The following PAX9 variants were observed in gnomAD, a reference collection of about 807,000 sequenced individuals.
PAX9 encodes paired box protein Pax-9.
PAX9 carries 6 observed loss-of-function variants against 29.1 expected under a neutral mutation model. The observed-to-expected ratio is 0.21, with a 90% CI of 0.11 to 0.41. The LOEUF (loss-of-function observed/expected upper bound fraction) is 0.41. Among genes scored for constraint, PAX9 ranks in the 10% least tolerant of loss-of-function variants. The pLI, the probability that PAX9 is intolerant of heterozygous loss-of-function variation, is 1.00. For missense variants in PAX9, 443 were observed against 479.1 expected, an observed-to-expected ratio of 0.92 and a Z score of 0.70; for synonymous variants, 217 against 211.7, an observed-to-expected ratio of 1.03 and a Z score of -0.22.
intron 2 of PAX9, among the ~76,000 whole-genome samples, chr14:36,664,738 G>A (rs1170814118): frequency 1.3e-5 from 2 of 152,108 alleles, no homozygotes; most frequent in African/African-American, 2.4e-5. Flanking sequence ...GGGGGAAATA[G>A]TTTCTTTAAT....
rs1881968615 is a variant in PAX9, at chr14:36,677,764, C to G, written c.*1312C>G. On this transcript the variant is annotated 3_prime_UTR_variant, in exon 4 of 4. Coordinates refer to ENST00000361487, the MANE Select transcript of PAX9 (RefSeq NM_001372076.1). ...ATGTTATTTAATTTTAACAAATTCC[C>G]TTTATTCATTTCTGAAATTACAGGA... is the stretch of plus-strand genomic sequence containing the variant. 1 of 152,294 alleles carries G rather than the reference C, an allele frequency of 6.6e-6. No homozygotes were observed. The allele number at this position is 152,294 out of a possible 1,614,324, so 9.4% of individuals were successfully genotyped here.
intron 2 of PAX9, among the ~76,000 whole-genome samples, chr14:36,665,469 G>C (rs1234375563): frequency 1.3e-5 from 2 of 151,898 alleles, no homozygotes; most frequent in East Asian, 3.9e-4. Flanking sequence ...CCACCCATAG[G>C]ACCCAAAGAC....
intron 3 of PAX9, among the ~76,000 whole-genome samples, chr14:36,670,656 T>A (rs1030291546): frequency 6.6e-6 from 1 of 152,086 alleles, no homozygotes; most frequent in South Asian, 2.1e-4. Context: ...TTATCTGTTA[T>A]GAAAAACATT....
At position 36,678,899 on chromosome 14, in the gene PAX9, A is replaced by C; in HGVS notation, c.*2447A>C. Reference sequence around the variant, plus strand: ...TCAAAGAAAATTATGATTTAAAGCCACTTTTTAAAATACGAGAAGGAAAAT... The same window carrying C: ...TCAAAGAAAATTATGATTTAAAGCCCCTTTTTAAAATACGAGAAGGAAAAT... On this transcript the variant is annotated 3_prime_UTR_variant, in exon 4 of 4. Coordinates refer to ENST00000361487, the MANE Select transcript of PAX9 (RefSeq NM_001372076.1). The C allele has an allele frequency of 1.0e-6, 1 of 976,966 alleles. No homozygotes were observed. The highest frequency in any genetic ancestry group is 1.2e-6 in the Non-Finnish European group (1 of 821,586). The allele number at this position is 976,966 out of a possible 1,614,324, so 60.5% of individuals were successfully genotyped here.
In PAX9 at chr14:36,666,513, T is replaced by C. The variant is rs780494094; in HGVS notation, c.683T>C (p.Leu228Pro). The change falls in exon 3 of 4, where the codon CTG (leucine) becomes CCG (proline). Residue 228 changes from leucine (L) to proline (P), a missense_variant. Physicochemically the swap from Leu to Pro is moderately conservative, Grantham distance 98 (BLOSUM62 -3). Coordinates refer to ENST00000361487, the MANE Select transcript of PAX9 (RefSeq NM_001372076.1). ...CCCAAGGTGGAGGAGTGGAGCAGCC[T>C]GGGCCGCAACAACTTCCCCGCCGCC... ...HSPKVEEWSS[L>P]GRNNFPAAAP... 6.2e-6 allele frequency: 10 copies of C among 1,606,212 alleles called. No homozygotes were observed. The East Asian group carries it at 1.8e-4, about 29-fold the overall frequency.
upstream of PAX9, among the ~76,000 whole-genome samples, chr14:36,660,163 A>G (rs891989407): frequency 6.6e-6 from 1 of 152,172 alleles, no homozygotes; most frequent in Non-Finnish European, 1.5e-5. Flanking sequence ...CAACTAATTT[A>G]TCTACCAGCC....
intron 2 of PAX9, chr14:36,666,144 T>G: frequency 3.0e-6 from 1 of 336,494 alleles, no homozygotes; most frequent in Non-Finnish European, 5.5e-6. Context: ...CGATTTAGGT[T>G]TCTTCCACTC....
chr14:36,663,788 C>A (rs950922303), intron 2 of PAX9, among the ~76,000 whole-genome samples: 5 of 152,204 alleles, frequency 3.3e-5, no homozygotes, highest in Non-Finnish European at 7.4e-5. Context: ...ACATGGTTCG[C>A]ATTTTCCACC....
chr14:36,662,261 C>G (rs951178671), intron 1 of PAX9, among the ~76,000 whole-genome samples, 168 bp downstream of exon 1: 3 of 152,068 alleles, frequency 2.0e-5, no homozygotes, highest in Non-Finnish European at 4.4e-5. Flanking sequence ...TAAGGGTCAG[C>G]GGCGCACAGC....
chr14:36,659,434 C>T (rs1004285347), upstream of PAX9, among the ~76,000 whole-genome samples: 1 of 152,234 alleles, frequency 6.6e-6, no homozygotes, highest in Non-Finnish European at 1.5e-5. Context: ...CCCTCTTCTG[C>T]TGGGATCCCG....
At chr14:36,665,579 T>C (rs1032424542) in intron 2 of PAX9, among the ~76,000 whole-genome samples, 1 of 152,230 alleles carries the variant, frequency 6.6e-6, no homozygotes, top group Non-Finnish European at 1.5e-5. Flanking sequence ...GGTATTATAG[T>C]AATTACTTTA....
rs918374474 is a variant in PAX9 at position 36,661,912 on chromosome 14, A to G, written c.-178A>G. On this transcript the variant is annotated 5_prime_UTR_variant, in exon 1 of 4. Transcript: ENST00000361487. ...GAAATGCAGAACTCAAGCCTCTTTC[A>G]TCGGGGCACAGACTTCCTTTTACTT... The G allele has an allele frequency of 8.0e-6, 6 of 745,854 alleles. No individual in the cohort carries two copies. Among genetic ancestry groups the G allele is most frequent in the Non-Finnish European group, 1.2e-5 (5 of 430,000 alleles). The allele number at this position is 745,854 out of a possible 1,614,324, so 46.2% of individuals were successfully genotyped here. A position where few individuals can be genotyped will look rare whatever the true frequency, so the allele number is the denominator to read the frequency against.
chr14:36,669,000 G>A (rs1014280132), intron 3 of PAX9, among the ~76,000 whole-genome samples: 60 of 152,054 alleles, frequency 3.9e-4, no homozygotes, highest in African/African-American at 1.4e-3. Flanking sequence ...CATTTGCGAA[G>A]TTCTTAATTG....
intron 3 of PAX9, among the ~76,000 whole-genome samples, chr14:36,667,454 A>C (rs1159801137): frequency 6.6e-6 from 1 of 152,168 alleles, no homozygotes; most frequent in Non-Finnish European, 1.5e-5. Flanking sequence ...AGGCAATGTA[A>C]GGTTTCCCCA....
In PAX9 at chr14:36,667,580, T is replaced by C. The variant is rs896178574; in HGVS notation, c.771+979T>C. Among the ~76,000 whole-genome samples the C allele has an allele frequency of 3.3e-5, 5 of 152,362 alleles. No individual in the cohort carries two copies. In the South Asian group the frequency reaches 6.2e-4, roughly 19 times the overall value. On this transcript the variant is annotated intron_variant, in intron 3 of 3. Transcript: ENST00000361487. ...TTAAAATTTTTAATGCTTTTTTGTC[T>C]GTCAAAATCAGCTTTTAAAATTAAG...
intron 3 of PAX9, among the ~76,000 whole-genome samples, chr14:36,668,638 C>T (rs567657427): frequency 6.6e-6 from 1 of 152,126 alleles, no homozygotes; most frequent in East Asian, 1.9e-4. Flanking sequence ...CCACCCACCT[C>T]GGCCTCCCAA....
At position 36,677,180 on chromosome 14, in the gene PAX9, CCTCT is replaced by C. The variant is rs1166431320; in HGVS notation, c.*731_*734del. On this transcript the variant is annotated 3_prime_UTR_variant, in exon 4 of 4. Transcript: ENST00000361487. ...TATTCCCCTCCCCTCAGCCCCACCC[CCTCT>C]CTATTTTTTTCTTTCTTTTTTGCAA... is the stretch of plus-strand genomic sequence containing the variant. The C allele has an allele frequency of 1.3e-5, 2 of 152,278 alleles. No homozygotes were observed. Among genetic ancestry groups the C allele is most frequent in the East Asian group, 1.9e-4 (1 of 5,188 alleles). The allele number at this position is 152,278 out of a possible 1,614,324, so 9.4% of individuals were successfully genotyped here.
intron 1 of PAX9, 30 bp downstream of exon 1, chr14:36,662,123 C>A: frequency 2.9e-6 from 3 of 1,047,682 alleles, no homozygotes; most frequent in Non-Finnish European, 3.9e-6. Flanking sequence ...TCTGTCAGAG[C>A]CGGGAAGGGA....
chr14:36,674,935 T>C (rs904784413), intron 3 of PAX9, among the ~76,000 whole-genome samples: 18 of 152,198 alleles, frequency 1.2e-4, no homozygotes, highest in African/African-American at 4.3e-4. Context: ...GAGAAAATAG[T>C]TTTTGAGACC....
Sources: gnomAD v4.1 joint callset for allele counts (sites outside exome capture counted in the v4.1 genomes callset) on GRCh38, gnomAD v4.1.1 for gene constraint, MANE v1.5 for transcripts, NCBI Gene and HGNC (gene_info 2026-07-23, HGNC 2026-07-21) for gene names.